NCKAP5: variants seen among roughly 807,000 people sequenced by gnomAD.
The protein encoded by NCKAP5 is nck-associated protein 5.
In NCKAP5, 92 loss-of-function variants were observed where a neutral mutation model predicts 167.0. The ratio of observed to expected loss-of-function variants is 0.55; its 90% CI spans 0.47 to 0.66. The LOEUF is 0.66. NCKAP5 is among the 30% of genes least tolerant of loss of function. The probability of loss-of-function intolerance (pLI) is 0.00; values close to 1 mark genes in which losing one functional copy is unlikely to be tolerated. For synonymous variants in NCKAP5, 891 were observed against 877.4 expected (o/e 1.02, Z -0.27); for missense variants, 2,378 against 2,315.0 (o/e 1.03, Z -0.56).
intron 6 of NCKAP5, among the ~76,000 whole-genome samples, chr2:133,090,376 G>T (rs572214475): frequency 1.7e-4 from 26 of 152,024 alleles, no homozygotes; most frequent in Admixed American, 7.2e-4. Flanking sequence ...GAGACAAAAA[G>T]AAGAAGAGAA....
the NCKAP5 span, among the ~76,000 whole-genome samples, chr2:133,634,065 G>A: frequency 6.6e-6 from 1 of 152,160 alleles, no homozygotes; most frequent in African/African-American, 2.4e-5. Flanking sequence ...TCACTGTGCA[G>A]CTCCTCTCCA....
chr2:133,085,173 G>C (rs1045771293), intron 6 of NCKAP5, among the ~76,000 whole-genome samples: 2 of 152,066 alleles, frequency 1.3e-5, no homozygotes, highest in African/African-American at 4.8e-5. Context: ...GTATTTGATA[G>C]AGCTCATAAC....
At chr2:132,765,308 C>CTTTTTTTTTTT (rs1170247644) in intron 16 of NCKAP5, among the ~76,000 whole-genome samples, 3 of 114,310 alleles carry the variant, frequency 2.6e-5, no homozygotes, top group African/African-American at 6.9e-5. Flanking sequence ...TTCTTTCTTT[C>CTTTTTTTTTTT]TTTTTTTTTT....
intron 11 of NCKAP5, 130 bp from the exon 12 acceptor site, chr2:132,796,859 A>C (rs984721210): frequency 1.6e-5 from 10 of 638,940 alleles, no homozygotes; most frequent in Non-Finnish European, 2.7e-5. Flanking sequence ...TAATTAAAAA[A>C]AGTTTATTCT....
At chr2:132,843,151 A>T (rs1462336348) in intron 11 of NCKAP5, among the ~76,000 whole-genome samples, 1 of 152,216 alleles carries the variant, frequency 6.6e-6, no homozygotes, top group African/African-American at 2.4e-5. Flanking sequence ...TCACAGATAT[A>T]TAAGTACAAT....
At chr2:133,564,371 C>T (rs1688396176) in intron 1 of NCKAP5, among the ~76,000 whole-genome samples, 1 of 152,088 alleles carries the variant, frequency 6.6e-6, no homozygotes, top group Non-Finnish European at 1.5e-5. Context: ...TTTTATTGTG[C>T]CCATCAACCA....
chr2:132,859,288 T>C (rs141637243), intron 11 of NCKAP5, among the ~76,000 whole-genome samples: 1 of 152,346 alleles, frequency 6.6e-6, no homozygotes, highest in East Asian at 1.9e-4. Context: ...AACATCTTTC[T>C]TTCTCTGAAA....
intron 3 of NCKAP5, among the ~76,000 whole-genome samples, chr2:133,436,976 T>G (rs1440112315): frequency 6.6e-6 from 1 of 152,062 alleles, no homozygotes; most frequent in Non-Finnish European, 1.5e-5. Context: ...ATTGTTGAGG[T>G]CAGTAACATT....
intron 16 of NCKAP5, among the ~76,000 whole-genome samples, chr2:132,767,538 C>T (rs1005430263): frequency 6.6e-5 from 10 of 152,232 alleles, no homozygotes; most frequent in Non-Finnish European, 1.3e-4. Context: ...GCCACCGCGC[C>T]TGGCCTGAGT....
chr2:133,375,734 G>C (rs891421786), intron 3 of NCKAP5, among the ~76,000 whole-genome samples: 15 of 152,224 alleles, frequency 9.9e-5, no homozygotes, highest in South Asian at 4.1e-4. Context: ...AAGGATAATG[G>C]TCTCCAGCTC....
At chr2:132,858,046 C>A (rs903571333) in intron 11 of NCKAP5, among the ~76,000 whole-genome samples, 1 of 152,166 alleles carries the variant, frequency 6.6e-6, no homozygotes, top group Non-Finnish European at 1.5e-5. Context: ...TTCTGTATTT[C>A]TTTTCAGGTA....
intron 2 of NCKAP5, among the ~76,000 whole-genome samples, chr2:133,548,542 C>G (rs1686965642): frequency 6.6e-6 from 1 of 151,864 alleles, no homozygotes; most frequent in Non-Finnish European, 1.5e-5. Flanking sequence ...GGCAGAAACC[C>G]TACAAGCCAG....
intron 8 of NCKAP5, among the ~76,000 whole-genome samples, chr2:132,958,914 T>C (rs1263594082): frequency 6.6e-6 from 1 of 151,810 alleles, no homozygotes; most frequent in African/African-American, 2.4e-5. Context: ...TGCTTATTTA[T>C]TATTTCATTT....
intron 5 of NCKAP5, among the ~76,000 whole-genome samples, chr2:133,174,242 G>T (rs934666616): frequency 1.3e-5 from 2 of 151,962 alleles, no homozygotes; most frequent in Non-Finnish European, 2.9e-5. Context: ...TTGGAATGAG[G>T]TTATACATTT....
At chr2:133,650,885 T>C in the NCKAP5 span, among the ~76,000 whole-genome samples, 414 of 151,770 alleles carry the variant, frequency 2.7e-3, 3 homozygotes, top group Non-Finnish European at 4.7e-3. Flanking sequence ...CTGTCTTAAA[T>C]AAACAAACAA....
chr2:133,609,822 T>C, the NCKAP5 span, among the ~76,000 whole-genome samples: 4 of 152,196 alleles, frequency 2.6e-5, no homozygotes, highest in Admixed American at 2.6e-4. Flanking sequence ...TCTAGAATTA[T>C]AGAGCTCAAA....
intron 3 of NCKAP5, among the ~76,000 whole-genome samples, chr2:133,509,750 TC>T (rs1406734670): frequency 6.6e-6 from 1 of 152,136 alleles, no homozygotes; most frequent in African/African-American, 2.4e-5. Context: ...AAGCCAGGTA[TC>T]CCAATAAACG....
chr2:133,154,094 G>A lies in NCKAP5; in HGVS notation c.208-23983C>T, dbSNP rs544896209. ...TGGCCTCAGGTTATCCACCCTCCCCGGCCTCCCAAAGTGCTAGGATTACAG... is the reference window on the plus strand; with the variant it reads ...TGGCCTCAGGTTATCCACCCTCCCCAGCCTCCCAAAGTGCTAGGATTACAG... On this transcript the variant is annotated intron_variant, in intron 5 of 19. Coordinates refer to ENST00000409261, the MANE Select transcript of NCKAP5 (RefSeq NM_207363.3). Among the ~76,000 whole-genome samples, 11 of 151,948 alleles carry A rather than the reference G, an allele frequency of 7.2e-5. No homozygotes were observed. The East Asian group carries it at 7.8e-4, about 11-fold the overall frequency.
At chr2:133,209,673 G>C (rs1306993475) in intron 5 of NCKAP5, among the ~76,000 whole-genome samples, 1 of 151,636 alleles carries the variant, frequency 6.6e-6, no homozygotes, top group Admixed American at 6.6e-5. Flanking sequence ...GATCAGAAAA[G>C]GAACATTGCT....
Sources: gnomAD v4.1 joint callset for allele counts (sites outside exome capture counted in the v4.1 genomes callset) on GRCh38, gnomAD v4.1.1 for gene constraint, MANE v1.5 for transcripts, NCBI Gene and HGNC (gene_info 2026-07-23, HGNC 2026-07-21) for gene names.